The following CTSC variants were observed in gnomAD, a reference collection of about 807,000 sequenced individuals.
CTSC encodes the protein cathepsin C, also known as dipeptidyl peptidase 1.
A neutral mutation model predicts 40.9 loss-of-function variants in CTSC; 37 were observed. That is an observed-to-expected ratio of 0.91 (90% CI 0.70 to 1.19). CTSC has a LOEUF of 1.19. Ranked by LOEUF, CTSC falls within the 50% of genes most tolerant of loss-of-function variation. CTSC has a pLI of 0.00. For synonymous variants in CTSC, 232 were observed against 207.4 expected, an observed-to-expected ratio of 1.12 and a Z score of -1.02; for missense variants, 594 against 567.3, an observed-to-expected ratio of 1.05 and a Z score of -0.48.
chr11:88,303,908 G>A (rs1291317063), intron 4 of CTSC, among the ~76,000 whole-genome samples: 2 of 151,802 alleles, frequency 1.3e-5, no homozygotes, highest in Non-Finnish European at 2.9e-5. Flanking sequence ...GAGGGCGGAA[G>A]AAGATCAGAG....
intron 2 of CTSC, among the ~76,000 whole-genome samples, chr11:88,329,405 C>T (rs988640743): frequency 7.9e-6 from 1 of 126,786 alleles, no homozygotes; most frequent in African/African-American, 3.0e-5. Context: ...TCTCTTAAAC[C>T]CAGGAGGTGG....
Position 88,326,122 on chromosome 11 carries a change from G to C in CTSC, c.318+8815C>G, listed in dbSNP as rs1938176685. On this transcript the variant is annotated intron_variant, in intron 2 of 6. Coordinates refer to ENST00000227266, the MANE Select transcript of CTSC (RefSeq NM_001814.6). ...GTTCCTTTTATTAAAAAACTGAACG[G>C]TGAAGCCACCCAAGATTTTGCATCT... 5.4e-6 allele frequency: 7 copies of C among 1,300,974 alleles called. No homozygotes were observed. In the Admixed American group the frequency reaches 2.4e-4, roughly 44 times the overall value. The allele number at this position is 1,300,974 out of a possible 1,614,324, so 80.6% of individuals were successfully genotyped here. A position where few individuals can be genotyped will look rare whatever the true frequency, so the allele number is the denominator to read the frequency against.
chr11:88,320,493 T>C (rs543291135), intron 2 of CTSC, among the ~76,000 whole-genome samples: 42 of 152,190 alleles, frequency 2.8e-4, no homozygotes, highest in Non-Finnish European at 5.3e-4. Flanking sequence ...AGGCACACCA[T>C]GCAGCATTTC....
chr11:88,311,036 G>T (rs1360574025), intron 3 of CTSC, among the ~76,000 whole-genome samples: 1 of 152,062 alleles, frequency 6.6e-6, no homozygotes, highest in Non-Finnish European at 1.5e-5. Flanking sequence ...TAAAAATAAT[G>T]TATCTTACTA....
intron 2 of CTSC, among the ~76,000 whole-genome samples, chr11:88,316,746 C>G (rs1937888491): frequency 6.6e-6 from 1 of 152,162 alleles, no homozygotes; most frequent in African/African-American, 2.4e-5. Context: ...CCTATTTCAA[C>G]AGTTAACAAG....
chr11:88,335,147 C>A, intron 1 of CTSC, 65 bp from the exon 2 acceptor site: 4 of 1,081,636 alleles, frequency 3.7e-6, no homozygotes, highest in Non-Finnish European at 5.6e-6. Context: ...GGAAAGAATC[C>A]CCCAATTTCA....
At chr11:88,315,206 C>T (rs1357267123) in intron 2 of CTSC, among the ~76,000 whole-genome samples, 2 of 152,038 alleles carry the variant, frequency 1.3e-5, no homozygotes, top group East Asian at 3.9e-4. Flanking sequence ...AGGGTTAGGC[C>T]GATGCTCCCT....
intron 3 of CTSC, 22 bp downstream of exon 3, chr11:88,312,366 T>C: frequency 1.9e-6 from 3 of 1,611,864 alleles, no homozygotes; most frequent in Non-Finnish European, 2.5e-6. Context: ...ACTAAACGTA[T>C]GTCTCATTTG....
intron 2 of CTSC, among the ~76,000 whole-genome samples, chr11:88,330,795 C>T (rs72966827): frequency 0.078 from 11,885 of 152,272 alleles, 499 homozygotes; most frequent in Non-Finnish European, 0.096. Flanking sequence ...TACTATACCC[C>T]CAATTTCTCA....
chr11:88,326,321 G>C (rs1166461551), intron 2 of CTSC: 71 of 1,613,580 alleles, frequency 4.4e-5, no homozygotes, highest in East Asian at 6.7e-5. Context: ...GTAGCTGCTA[G>C]AGGCCTTTGC....
At chr11:88,328,024 A>C in intron 2 of CTSC, 1 of 857,670 alleles carries the variant, frequency 1.2e-6, no homozygotes, top group South Asian at 1.3e-5. Flanking sequence ...CCTCTGATGA[A>C]TAAATAGGCA....
At chr11:88,331,514 C>T (rs1938353720) in intron 2 of CTSC, among the ~76,000 whole-genome samples, 1 of 152,206 alleles carries the variant, frequency 6.6e-6, no homozygotes, top group Non-Finnish European at 1.5e-5. Context: ...GCTTCTGTCC[C>T]TGCGGAGTTA....
intron 3 of CTSC, among the ~76,000 whole-genome samples, chr11:88,311,669 CTG>C (rs1449129600): frequency 1.3e-5 from 2 of 152,124 alleles, no homozygotes; most frequent in Non-Finnish European, 2.9e-5. Flanking sequence ...AGCCATATGA[CTG>C]TATTTGGAGA....
chr11:88,301,810 GCACACA>G (rs71046248), intron 4 of CTSC, among the ~76,000 whole-genome samples: 1 of 118,170 alleles, frequency 8.5e-6, no homozygotes, highest in Non-Finnish European at 2.3e-5. Context: ...ACACACGCGC[GCACACA>G]CACACACACA....
At chr11:88,326,352 A>C (rs1938186811) in intron 2 of CTSC, 1 of 1,613,706 alleles carries the variant, frequency 6.2e-7, no homozygotes, top group East Asian at 2.2e-5. Flanking sequence ...AGGTAGGTCC[A>C]CACTGTCGCA....
chr11:88,332,867 T>G (rs1272769405), intron 2 of CTSC, among the ~76,000 whole-genome samples: 1 of 152,230 alleles, frequency 6.6e-6, no homozygotes, highest in Non-Finnish European at 1.5e-5. Flanking sequence ...CAGAACCATA[T>G]GATTAGGCAG....
intron 4 of CTSC, among the ~76,000 whole-genome samples, chr11:88,307,803 T>G (rs1228544608): frequency 6.6e-6 from 1 of 152,136 alleles, no homozygotes; most frequent in East Asian, 1.9e-4. Context: ...CCAGGCTAAA[T>G]GTATCCATTA....
At chr11:88,297,733 A>T (rs949187807) in intron 5 of CTSC, 4 of 152,266 alleles carry the variant, frequency 2.6e-5, no homozygotes, top group African/African-American at 9.6e-5. Context: ...CCTGACCTGT[A>T]AGAATGTGTC....
chr11:88,328,068 C>T (rs1938239852), intron 2 of CTSC: 1 of 1,297,748 alleles, frequency 7.7e-7, no homozygotes, highest in African/African-American at 1.5e-5. Context: ...AGTGAGGAAG[C>T]TTGCTTTTAA....
Sources: allele counts gnomAD v4.1 joint callset (sites outside exome capture counted in the v4.1 genomes callset), GRCh38; gene constraint gnomAD v4.1.1; transcripts MANE v1.5; gene names NCBI Gene and HGNC (gene_info 2026-07-23, HGNC 2026-07-21).